The following BIN3 variants were observed in gnomAD, a reference collection of about 807,000 sequenced individuals.
BIN3 encodes bridging integrator 3.
Under a neutral mutation model 38.2 loss-of-function variants are expected in BIN3, and 41 were observed. That is an observed-to-expected ratio of 1.07 (90% confidence interval 0.84 to 1.39). The LOEUF (loss-of-function observed/expected upper bound fraction) is 1.39, where lower values mean the gene tolerates loss of function less well. Among genes scored for constraint, BIN3 ranks in the 40% most tolerant of loss-of-function variants. BIN3 has a pLI of 0.00. For missense variants in BIN3, 361 were observed against 324.3 expected (o/e 1.11, Z -0.87); for synonymous variants, 145 against 122.6 (o/e 1.18, Z -1.21).
intron 1 of BIN3, among the ~76,000 whole-genome samples, chr8:22,663,432 GATTT>G (rs1227463507): frequency 9.6e-6 from 1 of 104,516 alleles, no homozygotes; most frequent in African/African-American, 4.0e-5. Context: ...GAGACCCCCC[GATTT>G]GTTTAAAAAA....
intron 5 of BIN3, 78 bp from the exon 6 acceptor site, chr8:22,630,082 A>C: frequency 1.4e-6 from 2 of 1,416,338 alleles, no homozygotes; most frequent in Non-Finnish European, 2.0e-6. Context: ...CCTAACTACC[A>C]AAGGGCTAGG....
At chr8:22,657,426 T>C (rs1172167755) in intron 1 of BIN3, among the ~76,000 whole-genome samples, 2 of 152,216 alleles carry the variant, frequency 1.3e-5, no homozygotes, top group Non-Finnish European at 2.9e-5. Flanking sequence ...CCAGCAACAG[T>C]ACATTCAGTG....
At chr8:22,652,359 T>C (rs1022611388) in intron 1 of BIN3, among the ~76,000 whole-genome samples, 1 of 152,218 alleles carries the variant, frequency 6.6e-6, no homozygotes, top group Non-Finnish European at 1.5e-5. Context: ...TGAACAGTTT[T>C]GTGGGGAACT....
chr8:22,662,918 C>G (rs1803282644), intron 1 of BIN3, among the ~76,000 whole-genome samples: 1 of 152,206 alleles, frequency 6.6e-6, no homozygotes, highest in Non-Finnish European at 1.5e-5. Context: ...GGGTGGATTA[C>G]TTGAATCCAG....
intron 6 of BIN3, among the ~76,000 whole-genome samples, chr8:22,628,069 G>A (rs1373936062): frequency 2.0e-5 from 3 of 152,238 alleles, no homozygotes; most frequent in Non-Finnish European, 4.4e-5. Context: ...GAGAAGGAGA[G>A]GGAAGGTGAG....
intron 8 of BIN3, 88 bp from the exon 9 acceptor site, chr8:22,621,656 C>G: frequency 2.2e-6 from 3 of 1,339,718 alleles, no homozygotes; most frequent in Non-Finnish European, 3.1e-6. Flanking sequence ...TCTGCTACCC[C>G]CTGCCCTTAC....
chr8:22,645,488 A>C (rs1223808116), intron 1 of BIN3, among the ~76,000 whole-genome samples: 1 of 150,754 alleles, frequency 6.6e-6, no homozygotes. Flanking sequence ...TCTTTTAAAG[A>C]GATAAAGGAA....
intron 8 of BIN3, among the ~76,000 whole-genome samples, chr8:22,622,896 C>T (rs1563939935): frequency 6.6e-6 from 1 of 152,226 alleles, no homozygotes; most frequent in Admixed American, 6.5e-5. Context: ...GGACCAAGTA[C>T]GTGGGTCACT....
intron 1 of BIN3, among the ~76,000 whole-genome samples, chr8:22,659,992 T>G (rs1803181367): frequency 6.6e-6 from 1 of 152,084 alleles, no homozygotes; most frequent in Non-Finnish European, 1.5e-5. Flanking sequence ...CCAAGAATGG[T>G]TAGGAAACCT....
chr8:22,620,533 C>A lies in BIN3; in HGVS notation c.*889G>T, dbSNP rs892807418. 1 of 152,146 alleles carries A rather than the reference C, an allele frequency of 6.6e-6. No homozygotes were observed. The highest frequency in any genetic ancestry group is 1.5e-5 in the Non-Finnish European group (1 of 68,002). The allele number at this position is 152,146 out of a possible 1,614,324, so 9.4% of individuals were successfully genotyped here. ...TAGGCTTGCCCGCGTGCCCTCCCAC[C>A]CAGCGCCTCTGCTGGACCACGGTGC... On this transcript the variant is annotated 3_prime_UTR_variant, in exon 9 of 9. Coordinates refer to ENST00000276416, the MANE Select transcript of BIN3 (RefSeq NM_018688.6).
At chr8:22,646,986 C>T (rs1175923993) in intron 1 of BIN3, among the ~76,000 whole-genome samples, 1 of 152,226 alleles carries the variant, frequency 6.6e-6, no homozygotes, top group Non-Finnish European at 1.5e-5. Flanking sequence ...AAGCATGCTG[C>T]AGCTGAAAGC....
chr8:22,663,829 A>T (rs1343299781), intron 1 of BIN3, among the ~76,000 whole-genome samples: 1 of 152,078 alleles, frequency 6.6e-6, no homozygotes, highest in Non-Finnish European at 1.5e-5. Context: ...TCCCACTGAA[A>T]CAGCACGTAT....
At chr8:22,643,052 T>TA (rs1204989318) in intron 2 of BIN3, among the ~76,000 whole-genome samples, 1 of 152,226 alleles carries the variant, frequency 6.6e-6, no homozygotes, top group Non-Finnish European at 1.5e-5. Context: ...TTCATTTTGA[T>TA]AAAGGTTGGG....
chr8:22,631,298 G>C (rs1262216282), intron 4 of BIN3, among the ~76,000 whole-genome samples: 2 of 152,126 alleles, frequency 1.3e-5, no homozygotes, highest in Non-Finnish European at 2.9e-5. Context: ...GGTACAGGCG[G>C]GACTGGGACA....
chr8:22,621,624 G>T, intron 8 of BIN3, 56 bp from the exon 9 acceptor site: 1 of 1,547,156 alleles, frequency 6.5e-7, no homozygotes, highest in South Asian at 1.1e-5. Context: ...GTGTGCTTCA[G>T]GGGGCCAGAG....
chr8:22,636,822 G>A (rs960578659), intron 3 of BIN3, 100 bp downstream of exon 3: 11 of 1,341,426 alleles, frequency 8.2e-6, no homozygotes, highest in Non-Finnish European at 1.2e-5. Context: ...CAGCTTCCAG[G>A]GTGCTCACGG....
At chr8:22,631,774 T>C (rs1007484316) in intron 4 of BIN3, among the ~76,000 whole-genome samples, 1 of 152,208 alleles carries the variant, frequency 6.6e-6, no homozygotes, top group African/African-American at 2.4e-5. Flanking sequence ...CCCTCCTGTG[T>C]TGACATTCCC....
rs745475111 is a variant in BIN3 at position 22,630,549 on chromosome 8, A to C, written c.190T>G (p.Leu64Val). The C allele has an allele frequency of 9.3e-6, 15 of 1,613,882 alleles. No individual in the cohort carries two copies. Among genetic ancestry groups the C allele is most frequent in the Non-Finnish European group, 1.3e-5 (15 of 1,179,868 alleles). The change falls in exon 5 of 9, where the codon TTG (leucine) becomes GTG (valine). Residue 64 changes from leucine (L) to valine (V), a missense_variant. Coordinates refer to ENST00000276416, the MANE Select transcript of BIN3 (RefSeq NM_018688.6). The part of the protein sequence containing the change: ...AMSKSAVKIS[L>V]DLLSNPLCEQ... The stretch of plus-strand genomic sequence containing the variant: ...CAGAGGGGATTGGAGAGTAAGTCCA[A>C]GGATATCTTCACGGCAGATTTTGAC...
At chr8:22,662,848 C>T (rs1295708648) in intron 1 of BIN3, among the ~76,000 whole-genome samples, 1 of 151,976 alleles carries the variant, frequency 6.6e-6, no homozygotes, top group African/African-American at 2.4e-5. Flanking sequence ...TTTAAAAAAA[C>T]AAACAAGGCT....
Sources: gnomAD v4.1 joint callset for allele counts (sites outside exome capture counted in the v4.1 genomes callset) on GRCh38, gnomAD v4.1.1 for gene constraint, MANE v1.5 for transcripts, NCBI Gene and HGNC (gene_info 2026-07-23, HGNC 2026-07-21) for gene names.